Variants in TAFA5 observed in about 807,000 individuals in gnomAD.
The protein encoded by TAFA5 is chemokine-like protein TAFA-5.
In TAFA5, 6 loss-of-function variants were observed where a neutral mutation model predicts 15.3. The ratio of observed to expected loss-of-function variants is 0.39; its 90% confidence interval spans 0.21 to 0.77. TAFA5 has a LOEUF of 0.77. Among genes scored for constraint, TAFA5 ranks in the 30% least tolerant of loss-of-function variants. The probability of loss-of-function intolerance (pLI) is 0.41; values close to 1 mark genes in which losing one functional copy is unlikely to be tolerated. For missense variants in TAFA5, 161 were observed against 193.1 expected, an observed-to-expected ratio of 0.83 and a Z score of 0.98; for synonymous variants, 103 against 80.7, an observed-to-expected ratio of 1.28 and a Z score of -1.48.
At chr22:48,699,828 G>T (rs531725217) in intron 2 of TAFA5, among the ~76,000 whole-genome samples, 16 of 152,336 alleles carry the variant, frequency 1.1e-4, no homozygotes, top group African/African-American at 3.8e-4. Flanking sequence ...TACTCCTGAT[G>T]AACTGCTCTG....
chr22:48,640,548 G>T (rs767122688), intron 1 of TAFA5, among the ~76,000 whole-genome samples: 1 of 152,094 alleles, frequency 6.6e-6, no homozygotes, highest in Non-Finnish European at 1.5e-5. Context: ...GGTGGGCAGG[G>T]CAGGGCAGGG....
intron 1 of TAFA5, among the ~76,000 whole-genome samples, chr22:48,608,534 C>A (rs1257581181): frequency 6.6e-6 from 1 of 152,106 alleles, no homozygotes; most frequent in African/African-American, 2.4e-5. Context: ...GTGACAGCTA[C>A]GTCTATTTTT....
rs1193161029 is a variant in TAFA5 at position 48,598,886 on chromosome 22, C to T, written c.113-47711C>T. Reference sequence around the variant, plus strand: ...ATATAAGTCAGGGGGTTTCCACCACCCTCTCCTGGCATTCCGTCATTTGCG... The same window carrying T: ...ATATAAGTCAGGGGGTTTCCACCACTCTCTCCTGGCATTCCGTCATTTGCG... On this transcript the variant is annotated intron_variant, in intron 1 of 3. Transcript: ENST00000402357. This position sits in a 1 kb window ranked among gnomAD's most constrained non-coding sequence, Gnocchi z 4.0. 3.3e-5 allele frequency among the ~76,000 whole-genome samples: 5 copies of T among 152,134 alleles called. No individual in the cohort carries two copies. The highest frequency in any genetic ancestry group is 5.9e-5 in the Non-Finnish European group (4 of 68,036).
intron 2 of TAFA5, among the ~76,000 whole-genome samples, chr22:48,691,121 G>A (rs528877081): frequency 2.0e-5 from 3 of 152,294 alleles, no homozygotes; most frequent in African/African-American, 7.2e-5. Flanking sequence ...CTCCATACCT[G>A]AGGCTCCCAG....
chr22:48,605,306 ATGATGGTGG>A (rs1925136647), intron 1 of TAFA5, among the ~76,000 whole-genome samples: 2 of 41,982 alleles, frequency 4.8e-5, no homozygotes, highest in East Asian at 8.7e-4. Flanking sequence ...GGTGATGGTG[ATGATGGTGG>A]TGATGGTGAT....
chr22:48,586,629 G>A (rs190090935), intron 1 of TAFA5, among the ~76,000 whole-genome samples: 59 of 152,342 alleles, frequency 3.9e-4, no homozygotes, highest in African/African-American at 1.3e-3. Context: ...AGAGGGATTC[G>A]CACACATTTG....
At chr22:48,558,740 G>A (rs1923124898) in intron 1 of TAFA5, among the ~76,000 whole-genome samples, 1 of 152,244 alleles carries the variant, frequency 6.6e-6, no homozygotes, top group South Asian at 2.1e-4. Flanking sequence ...TCAAGGGCCA[G>A]GATGGGGAGG....
chr22:48,633,494 GTGTCTGTCTGTC>G (rs59459070), intron 1 of TAFA5, among the ~76,000 whole-genome samples: 3 of 111,138 alleles, frequency 2.7e-5, no homozygotes, highest in Non-Finnish European at 5.1e-5. Context: ...GCTTTGCTCT[GTGTCTGTCTGTC>G]TGTCTGTCTG....
intron 1 of TAFA5, among the ~76,000 whole-genome samples, chr22:48,540,511 C>G (rs9615340): frequency 0.13 from 20,103 of 152,054 alleles, 1,898 homozygotes; most frequent in African/African-American, 0.26. Flanking sequence ...CCTTTGACTT[C>G]TAGGGTGTCC....
chr22:48,641,483 C>T (rs962149327), intron 1 of TAFA5, among the ~76,000 whole-genome samples: 13 of 152,114 alleles, frequency 8.5e-5, no homozygotes, highest in South Asian at 2.1e-4. Flanking sequence ...AAAACTCCCC[C>T]AAAGGCAGCT....
intron 2 of TAFA5, among the ~76,000 whole-genome samples, chr22:48,674,957 T>G (rs79677476): frequency 6.8e-6 from 1 of 146,760 alleles, no homozygotes; most frequent in African/African-American, 2.5e-5. Context: ...TTTTTTTTTT[T>G]TGAGATGGAG....
Position 48,742,348 on chromosome 22 carries a change from G to A in TAFA5, c.391-7491G>A, listed in dbSNP as rs1345592977. Among the ~76,000 whole-genome samples the A allele has an allele frequency of 5.3e-5, 8 of 152,376 alleles. No homozygotes were observed. The highest frequency in any genetic ancestry group is 1.7e-4 in the African/African-American group (7 of 41,590). ...CTGGTGTTGAGAAACCTGCTTCACA[G>A]CGGAGGACACAGACAGCAGAGTCAA... On this transcript the variant is annotated intron_variant, in intron 3 of 3. Coordinates refer to ENST00000402357, the MANE Select transcript of TAFA5 (RefSeq NM_001082967.3). This position sits in a 1 kb window ranked among gnomAD's most constrained non-coding sequence, Gnocchi z 6.2.
intron 1 of TAFA5, among the ~76,000 whole-genome samples, chr22:48,559,586 T>C (rs989174991): frequency 1.3e-5 from 2 of 151,926 alleles, no homozygotes; most frequent in Non-Finnish European, 2.9e-5. Flanking sequence ...CTTCTCCCTG[T>C]CACTGCAGCC....
At chr22:48,629,888 C>T (rs551771290) in intron 1 of TAFA5, among the ~76,000 whole-genome samples, 1 of 152,318 alleles carries the variant, frequency 6.6e-6, no homozygotes, top group Non-Finnish European at 1.5e-5. Flanking sequence ...GTCCTCCCGG[C>T]AGAGGAGTGC....
chr22:48,673,031 C>T (rs1341869970), intron 2 of TAFA5, among the ~76,000 whole-genome samples: 3 of 152,190 alleles, frequency 2.0e-5, no homozygotes, highest in African/African-American at 4.8e-5. Context: ...GCACACCCCG[C>T]TAAGGAATGC....
intron 1 of TAFA5, among the ~76,000 whole-genome samples, chr22:48,523,687 C>T (rs1921683163): frequency 6.6e-6 from 1 of 152,176 alleles, no homozygotes; most frequent in Admixed American, 6.5e-5. Context: ...GGAGGCATCC[C>T]GGGGGCCCAG....
chr22:48,685,001 GT>G (rs1928311019), intron 2 of TAFA5, among the ~76,000 whole-genome samples: 1 of 152,220 alleles, frequency 6.6e-6, no homozygotes, highest in African/African-American at 2.4e-5. Context: ...CCTGAGTTGG[GT>G]TATAGTTGGT....
intron 1 of TAFA5, among the ~76,000 whole-genome samples, chr22:48,634,680 G>C (rs9617435): frequency 1.1e-5 from 1 of 88,542 alleles, no homozygotes; most frequent in Non-Finnish European, 2.8e-5. Flanking sequence ...GAGTCACTCA[G>C]TCAATCACTC....
At chr22:48,632,214 G>A (rs1051503739) in intron 1 of TAFA5, among the ~76,000 whole-genome samples, 12 of 152,170 alleles carry the variant, frequency 7.9e-5, no homozygotes, top group African/African-American at 1.9e-4. Flanking sequence ...TTACCGCCAC[G>A]GGCCCTGCCT....
Sources: allele counts gnomAD v4.1 joint callset (sites outside exome capture counted in the v4.1 genomes callset), GRCh38; gene constraint gnomAD v4.1.1; non-coding constraint Gnocchi (gnomAD v3.1); transcripts MANE v1.5; gene names NCBI Gene and HGNC (gene_info 2026-07-23, HGNC 2026-07-21).